Variants in ARHGAP26 observed in about 807,000 individuals in gnomAD.
The protein encoded by ARHGAP26 is rho GTPase-activating protein 26.
Under a neutral mutation model 104.8 loss-of-function variants are expected in ARHGAP26, and 38 were observed. The ratio of observed to expected loss-of-function variants is 0.36; its 90% CI spans 0.28 to 0.48. ARHGAP26 has a LOEUF of 0.48. Among genes scored for constraint, ARHGAP26 ranks in the 20% least tolerant of loss-of-function variants. The pLI is 0.99. For missense variants in ARHGAP26, 704 were observed against 947.9 expected, an observed-to-expected ratio of 0.74 and a Z score of 3.38; for synonymous variants, 341 against 340.0, an observed-to-expected ratio of 1.00 and a Z score of -0.03.
intron 1 of ARHGAP26, among the ~76,000 whole-genome samples, chr5:142,777,080 A>C (rs1042246042): frequency 6.6e-6 from 1 of 152,158 alleles, no homozygotes; most frequent in South Asian, 2.1e-4. Context: ...TGAAATGTCT[A>C]TTCAGATCTT....
intron 17 of ARHGAP26, among the ~76,000 whole-genome samples, chr5:143,083,071 T>TC (rs1790043925): frequency 6.6e-6 from 1 of 152,202 alleles, no homozygotes; most frequent in South Asian, 2.1e-4. Flanking sequence ...AATACAGCAG[T>TC]CGAAGGCAGT....
intron 17 of ARHGAP26, among the ~76,000 whole-genome samples, chr5:143,061,804 CAGCATACTTT>C (rs1328485473): frequency 6.6e-6 from 1 of 152,216 alleles, no homozygotes; most frequent in Non-Finnish European, 1.5e-5. Flanking sequence ...CGCAGAGTCC[CAGCATACTTT>C]ATTGTGTCCT....
At chr5:143,052,222 A>AG (rs1785144744) in intron 14 of ARHGAP26, among the ~76,000 whole-genome samples, 1 of 152,218 alleles carries the variant, frequency 6.6e-6, no homozygotes, top group South Asian at 2.1e-4. Context: ...CTGTAATCCC[A>AG]GCACTTTAGG....
chr5:142,792,989 T>C lies in ARHGAP26; in HGVS notation c.154+22074T>C, dbSNP rs970641219. Among the ~76,000 whole-genome samples the C allele has an allele frequency of 2.6e-5, 4 of 152,214 alleles. No homozygotes were observed. In the East Asian group the frequency reaches 5.8e-4, roughly 22 times the overall value. On this transcript the variant is annotated intron_variant, in intron 1 of 22. Coordinates refer to ENST00000645722, the MANE Select transcript of ARHGAP26 (RefSeq NM_001135608.3). ...GAAAGGTTGGAGGAACTTTGGCCAG[T>C]GTGGGGCAGACAGAAACCCATGGGT...
intron 17 of ARHGAP26, chr5:143,058,059 G>T (rs1786112598): frequency 1.8e-6 from 1 of 561,256 alleles, no homozygotes; most frequent in South Asian, 1.6e-5. Flanking sequence ...TCACCACACA[G>T]AATTTTGTGG....
chr5:142,773,511 A>G (rs376006611), intron 1 of ARHGAP26, among the ~76,000 whole-genome samples: 1 of 152,214 alleles, frequency 6.6e-6, no homozygotes, highest in African/African-American at 2.4e-5. Flanking sequence ...GATGCTGGCA[A>G]TGGAGATGCA....
rs149296580 is a variant in ARHGAP26 at position 143,128,657 on chromosome 5, G to A, written c.1699-5310G>A. The stretch of plus-strand genomic sequence containing the variant: ...TCTCTGAGAGCACCACGCAGTCCTC[G>A]GTCCCATTGTCTGTCATGAGAAGGA... On this transcript the variant is annotated intron_variant, in intron 18 of 22. Transcript: ENST00000645722. Among the ~76,000 whole-genome samples, 1,002 of 152,224 alleles carry A rather than the reference G, an allele frequency of 6.6e-3. 13 individuals carry two copies. Among genetic ancestry groups the A allele is most frequent in the African/African-American group, 0.022 (928 of 41,520 alleles).
At chr5:142,809,469 G>A (rs145649252) in intron 1 of ARHGAP26, among the ~76,000 whole-genome samples, 112 of 152,188 alleles carry the variant, frequency 7.4e-4, no homozygotes, top group African/African-American at 2.4e-3. Context: ...CAGAAGTTGG[G>A]GTGTCTGAAT....
At chr5:142,949,236 A>AGAGAGAGAGAGAGAGAGAGAG in intron 11 of ARHGAP26, among the ~76,000 whole-genome samples, 1 of 119,830 alleles carries the variant, frequency 8.3e-6, no homozygotes, top group African/African-American at 3.3e-5. Flanking sequence ...GAGAGAGGAG[A>AGAGAGAGAGAGAGAGAGAGAG]GAGAGAGAGA....
intron 19 of ARHGAP26, among the ~76,000 whole-genome samples, chr5:143,144,819 T>C (rs1486271710): frequency 1.3e-5 from 2 of 152,248 alleles, no homozygotes. Context: ...CTCTACTCTT[T>C]CCCTGGAATA....
rs577923628 is a variant in ARHGAP26, at chr5:143,117,021, G to C, written c.1539-3967G>C. 2.6e-5 allele frequency among the ~76,000 whole-genome samples: 4 copies of C among 152,340 alleles called. No individual in the cohort carries two copies. The South Asian group carries it at 8.3e-4, about 32-fold the overall frequency. On this transcript the variant is annotated intron_variant, in intron 17 of 22. Transcript: ENST00000645722. Reference sequence around the variant, plus strand: ...CTGCAGCAGCCAAAGGAAGCCTGTAGAATTGGCAGTTCTTTCAAAAGACGC... The same window carrying C: ...CTGCAGCAGCCAAAGGAAGCCTGTACAATTGGCAGTTCTTTCAAAAGACGC...
intron 1 of ARHGAP26, among the ~76,000 whole-genome samples, chr5:142,796,615 C>T (rs1047889120): frequency 4.6e-5 from 7 of 152,216 alleles, no homozygotes; most frequent in African/African-American, 1.4e-4. Flanking sequence ...CTTTCAAGAA[C>T]GTTTCTGCTA....
chr5:143,022,802 C>T (rs1780532034), intron 12 of ARHGAP26, among the ~76,000 whole-genome samples: 2 of 152,320 alleles, frequency 1.3e-5, no homozygotes, highest in South Asian at 2.1e-4. Flanking sequence ...CATACTCAAA[C>T]CCTAGCCTGC....
intron 1 of ARHGAP26, among the ~76,000 whole-genome samples, chr5:142,779,144 A>G (rs976486567): frequency 6.6e-6 from 1 of 152,158 alleles, no homozygotes; most frequent in African/African-American, 2.4e-5. Flanking sequence ...ACTAGGAAGG[A>G]AATCATGTTT....
At chr5:143,001,934 G>C (rs1431350251) in intron 11 of ARHGAP26, among the ~76,000 whole-genome samples, 2 of 152,220 alleles carry the variant, frequency 1.3e-5, no homozygotes, top group Non-Finnish European at 1.5e-5. Flanking sequence ...CATAGATCTA[G>C]AAATGCAGTC....
chr5:142,792,740 G>A (rs531137658), intron 1 of ARHGAP26, among the ~76,000 whole-genome samples: 75 of 152,310 alleles, frequency 4.9e-4, no homozygotes, highest in African/African-American at 1.4e-3. Context: ...AATGAGCAGC[G>A]TTGGAGGATT....
chr5:142,809,036 T>A (rs1345154119), intron 1 of ARHGAP26, among the ~76,000 whole-genome samples: 1 of 152,242 alleles, frequency 6.6e-6, no homozygotes, highest in African/African-American at 2.4e-5. Flanking sequence ...TGATTTTAAG[T>A]CATGAGCTTT....
At chr5:143,046,245 A>T (rs749692475) in intron 14 of ARHGAP26, among the ~76,000 whole-genome samples, 14 of 152,198 alleles carry the variant, frequency 9.2e-5, no homozygotes, top group Non-Finnish European at 1.6e-4. Flanking sequence ...CGGAGGTTGC[A>T]GTGAGCCAAG....
At chr5:142,861,358 T>G (rs1010623364) in intron 1 of ARHGAP26, among the ~76,000 whole-genome samples, 2 of 152,020 alleles carry the variant, frequency 1.3e-5, no homozygotes, top group African/African-American at 2.4e-5. Flanking sequence ...CCGTTTTTTT[T>G]TTTTCTTTTT....
Sources: gnomAD v4.1 joint callset for allele counts (sites outside exome capture counted in the v4.1 genomes callset) on GRCh38, gnomAD v4.1.1 for gene constraint, MANE v1.5 for transcripts, NCBI Gene and HGNC (gene_info 2026-07-23, HGNC 2026-07-21) for gene names.